The following TMEM178A variants were observed in gnomAD, a reference collection of about 807,000 sequenced individuals.
TMEM178A encodes the protein transmembrane protein 178.
A neutral mutation model predicts 29.1 loss-of-function variants in TMEM178A; 12 were observed. That is an observed-to-expected ratio of 0.41 (90% CI 0.26 to 0.67). The LOEUF (loss-of-function observed/expected upper bound fraction) is 0.67. TMEM178A is among the 30% of genes least tolerant of loss of function. TMEM178A has a pLI of 0.29. For missense variants in TMEM178A, 366 were observed against 419.1 expected (o/e 0.87, Z 1.11); for synonymous variants, 210 against 187.2 (o/e 1.12, Z -0.99).
Position 39,706,546 on chromosome 2 carries a change from A to T in TMEM178A, c.515-503A>T, listed in dbSNP as rs530883773. 2.0e-5 allele frequency among the ~76,000 whole-genome samples: 3 copies of T among 152,176 alleles called. No individual in the cohort carries two copies. In the East Asian group the frequency reaches 5.8e-4, roughly 29 times the overall value. ...ATCTGTGGTGATCAGATAAAACCCT[A>T]TTTCACAATAGCTTTTTTAGGCTCT... is the stretch of plus-strand genomic sequence containing the variant. On this transcript the variant is annotated intron_variant, in intron 2 of 3. Transcript: ENST00000281961.
intron 1 of TMEM178A, among the ~76,000 whole-genome samples, 199 bp from the exon 2 acceptor site, chr2:39,703,882 C>T (rs1671905235): frequency 2.0e-5 from 3 of 152,130 alleles, no homozygotes. Context: ...AGTATAGATC[C>T]TTATACAATT....
intron 1 of TMEM178A, among the ~76,000 whole-genome samples, chr2:39,700,708 T>A (rs1183099299): frequency 1.3e-5 from 2 of 151,948 alleles, no homozygotes; most frequent in Non-Finnish European, 2.9e-5. Context: ...TTTTTCTATT[T>A]GCTTTCTATA....
chr2:39,718,335 C>A (rs1672627941), downstream of TMEM178A, among the ~76,000 whole-genome samples: 1 of 152,148 alleles, frequency 6.6e-6, no homozygotes, highest in South Asian at 2.1e-4. Flanking sequence ...GATTTTCAAC[C>A]TTGGCTGCTC....
intron 1 of TMEM178A, among the ~76,000 whole-genome samples, chr2:39,680,077 A>G (rs1040735627): frequency 6.6e-6 from 1 of 152,104 alleles, no homozygotes; most frequent in Non-Finnish European, 1.5e-5. Flanking sequence ...AGGTGACAGG[A>G]GACTGGAGAT....
At chr2:39,678,760 TA>T (rs1008123274) in intron 1 of TMEM178A, among the ~76,000 whole-genome samples, 1 of 152,246 alleles carries the variant, frequency 6.6e-6, no homozygotes, top group African/African-American at 2.4e-5. Context: ...TAGCAGGTCA[TA>T]AAAAAGCTTT....
intron 2 of TMEM178A, among the ~76,000 whole-genome samples, chr2:39,705,038 A>T (rs1671964522): frequency 6.6e-6 from 1 of 152,232 alleles, no homozygotes; most frequent in Non-Finnish European, 1.5e-5. Context: ...GCAGTGGTCT[A>T]ATATACATAT....
intron 3 of TMEM178A, among the ~76,000 whole-genome samples, chr2:39,709,752 A>G (rs1672220822): frequency 6.6e-6 from 1 of 152,190 alleles, no homozygotes. Context: ...AACACATGGG[A>G]AAGGCCCCAT....
chr2:39,724,356 C>G, the TMEM178A span, among the ~76,000 whole-genome samples: 1 of 152,070 alleles, frequency 6.6e-6, no homozygotes, highest in African/African-American at 2.4e-5. Flanking sequence ...AATTTCCGTC[C>G]TTTCTCCCTG....
At chr2:39,668,558 G>C (rs1670277078) in intron 1 of TMEM178A, among the ~76,000 whole-genome samples, 1 of 152,140 alleles carries the variant, frequency 6.6e-6, no homozygotes, top group Non-Finnish European at 1.5e-5. Context: ...CTATTCTTTA[G>C]AGAAATTTCT....
chr2:39,733,191 C>T, the TMEM178A span, among the ~76,000 whole-genome samples: 12 of 152,318 alleles, frequency 7.9e-5, no homozygotes, highest in Middle Eastern at 3.4e-3. Context: ...CCACCACATC[C>T]GCCCACCTTC....
intron 1 of TMEM178A, among the ~76,000 whole-genome samples, chr2:39,696,900 C>T (rs573688354): frequency 1.6e-4 from 24 of 152,276 alleles, no homozygotes; most frequent in African/African-American, 5.1e-4. Context: ...TAAATATAAA[C>T]CACAACTTGT....
Position 39,707,266 on chromosome 2 carries a change from A to G in TMEM178A, c.652+80A>G, listed in dbSNP as rs1672076317. ...TGCGGCTAGCTAGTGTCGCTTTGTTATCTCCCTGTTAATTTTGTTTTCACT... is the reference window on the plus strand; with the variant it reads ...TGCGGCTAGCTAGTGTCGCTTTGTTGTCTCCCTGTTAATTTTGTTTTCACT... On this transcript the variant is annotated intron_variant, in intron 3 of 3. Transcript: ENST00000281961. The G allele has an allele frequency of 2.1e-6, 3 of 1,462,430 alleles. 1 individual carries two copies. The Admixed American group carries it at 7.9e-5, about 39-fold the overall frequency. The allele number at this position is 1,462,430 out of a possible 1,614,324, so 90.6% of individuals were successfully genotyped here.
In TMEM178A at chr2:39,717,302, C is replaced by CGG; in HGVS notation, c.*52_*53insGG. The CGG allele has an allele frequency of 6.3e-7, 1 of 1,578,622 alleles. No homozygotes were observed. Among genetic ancestry groups the CGG allele is most frequent in the South Asian group, 1.2e-5 (1 of 85,856 alleles). ...TGCGAGCGACTCCTGAGGGGAACAG[C>CGG]GCGGAGTTCAGGAGTCCAAGCACAA... On this transcript the variant is annotated 3_prime_UTR_variant, in exon 4 of 4. Transcript: ENST00000281961.
At chr2:39,667,335 ATT>A (rs3032158) in intron 1 of TMEM178A, among the ~76,000 whole-genome samples, 67,215 of 141,110 alleles carry the variant, frequency 0.48, 15,909 homozygotes, top group East Asian at 0.72. Flanking sequence ...AGATAGTTTG[ATT>A]TTTTTTTTTT....
chr2:39,734,413 C>A, the TMEM178A span, among the ~76,000 whole-genome samples: 2 of 152,226 alleles, frequency 1.3e-5, no homozygotes, highest in African/African-American at 4.8e-5. Context: ...CTCCTGCCAA[C>A]CTCTCAGTAT....
Position 39,665,985 on chromosome 2 carries a change from GGGCGCTCGTCAC to G in TMEM178A, c.19_30del (p.Val7_Leu10del). ...GCGGGGCGGGAAGCCATGGAGCCGC[GGGCGCTCGTCAC>G]GGCGCTCAGCCTCGGCCTCAGCCTG... On this transcript the variant is annotated inframe_deletion, in exon 1 of 4. Transcript: ENST00000281961. 7.2e-7 allele frequency: 1 copy of G among 1,391,492 alleles called. No homozygotes were observed. The highest frequency in any genetic ancestry group is 9.3e-7 in the Non-Finnish European group (1 of 1,073,962). The allele number at this position is 1,391,492 out of a possible 1,614,324, so 86.2% of individuals were successfully genotyped here.
the TMEM178A span, among the ~76,000 whole-genome samples, chr2:39,731,698 A>T: frequency 6.6e-6 from 1 of 152,218 alleles, no homozygotes; most frequent in Non-Finnish European, 1.5e-5. Flanking sequence ...CAGGAGGACA[A>T]ACTCAAGCTA....
intron 3 of TMEM178A, among the ~76,000 whole-genome samples, chr2:39,707,399 A>G (rs1017237810): frequency 2.0e-5 from 3 of 152,208 alleles, no homozygotes; most frequent in African/African-American, 7.2e-5. Context: ...GTGGCCTGTT[A>G]GTAGGTTGGA....
At position 39,670,733 on chromosome 2, in the gene TMEM178A, A is replaced by G. The variant is rs537073933; in HGVS notation, c.400+4359A>G. On this transcript the variant is annotated intron_variant, in intron 1 of 3. Transcript: ENST00000281961. The stretch of plus-strand genomic sequence containing the variant: ...ACTTTAATAAATAAACATTGATGTG[A>G]CTTGCAAATACATTATGTAGAACTT... 1.5e-4 allele frequency among the ~76,000 whole-genome samples: 23 copies of G among 152,368 alleles called. No homozygotes were observed. In the South Asian group the frequency reaches 4.6e-3, roughly 30 times the overall value.
Sources: allele counts gnomAD v4.1 joint callset (sites outside exome capture counted in the v4.1 genomes callset), GRCh38; gene constraint gnomAD v4.1.1; transcripts MANE v1.5; gene names NCBI Gene and HGNC (gene_info 2026-07-23, HGNC 2026-07-21).